The following KCNMA1 variants were observed in gnomAD, a reference collection of about 807,000 sequenced individuals.
KCNMA1 encodes Calcium-activated potassium channel subunit alpha-1.
Under a neutral mutation model 140.0 loss-of-function variants are expected in KCNMA1, and 29 were observed. The ratio of observed to expected loss-of-function variants is 0.21; its 90% CI spans 0.15 to 0.28. The LOEUF (loss-of-function observed/expected upper bound fraction) is 0.28. Ranked by LOEUF, KCNMA1 falls within the 10% of genes least tolerant of loss-of-function variation. The pLI, the probability that KCNMA1 is intolerant of heterozygous loss-of-function variation, is 1.00. For synonymous variants in KCNMA1, 612 were observed against 611.9 expected, an observed-to-expected ratio of 1.00 and a Z score of 0.00; for missense variants, 880 against 1,602.2, an observed-to-expected ratio of 0.55 and a Z score of 7.70.
chr10:76,949,680 G>A (rs2065514200), intron 21 of KCNMA1, among the ~76,000 whole-genome samples: 1 of 152,056 alleles, frequency 6.6e-6, no homozygotes, highest in African/African-American at 2.4e-5. Flanking sequence ...ATTTTCAGGA[G>A]GTAAAATAAA....
chr10:76,923,714 T>A (rs1160860130), intron 23 of KCNMA1, among the ~76,000 whole-genome samples: 1 of 152,240 alleles, frequency 6.6e-6, no homozygotes, highest in Non-Finnish European at 1.5e-5. Context: ...CCAGATGCAG[T>A]GGCTCATGCC....
At chr10:77,347,291 T>C (rs2092314003) in intron 2 of KCNMA1, among the ~76,000 whole-genome samples, 1 of 152,172 alleles carries the variant, frequency 6.6e-6, no homozygotes, top group African/African-American at 2.4e-5. Context: ...GCATAAGAAA[T>C]GGGTGTTACC....
chr10:77,236,213 G>A (rs556765449), intron 3 of KCNMA1, among the ~76,000 whole-genome samples: 3 of 152,266 alleles, frequency 2.0e-5, no homozygotes, highest in Non-Finnish European at 2.9e-5. Context: ...GAGGTAACAC[G>A]ATCCATGACT....
chr10:77,346,423 T>C (rs1364121674), intron 2 of KCNMA1, among the ~76,000 whole-genome samples: 1 of 152,190 alleles, frequency 6.6e-6, no homozygotes, highest in African/African-American at 2.4e-5. Context: ...ATCTTGCAGC[T>C]GGTACCTTGG....
rs1386621810 is a variant in KCNMA1, at chr10:77,375,232, C to T, written c.540+28630G>A. 3.3e-5 allele frequency among the ~76,000 whole-genome samples: 5 copies of T among 152,158 alleles called. No individual in the cohort carries two copies. The East Asian group carries it at 9.6e-4, about 29-fold the overall frequency. On this transcript the variant is annotated intron_variant, in intron 2 of 27. Transcript: ENST00000286628. ...GGGTAGGAGAGGGGACACTGCTGAACACCCACAATGGTCCTGCTCCTGTTG... is the reference window on the plus strand; with the variant it reads ...GGGTAGGAGAGGGGACACTGCTGAATACCCACAATGGTCCTGCTCCTGTTG...
chr10:77,349,835 A>G (rs1294506831), intron 2 of KCNMA1, among the ~76,000 whole-genome samples: 3 of 152,138 alleles, frequency 2.0e-5, no homozygotes, highest in African/African-American at 7.2e-5. Flanking sequence ...TTTGTTGTCC[A>G]TTTTTTTAAA....
chr10:77,039,759 G>A (rs535637579), intron 14 of KCNMA1, 122 bp from the exon 15 acceptor site: 9 of 711,278 alleles, frequency 1.3e-5, no homozygotes, highest in Non-Finnish European at 2.3e-5. Flanking sequence ...GACCTTTTCA[G>A]CAATCAGGAA....
intron 1 of KCNMA1, among the ~76,000 whole-genome samples, chr10:77,534,456 T>C (rs2058401511): frequency 6.6e-6 from 1 of 152,200 alleles, no homozygotes; most frequent in South Asian, 2.1e-4. Context: ...AACCAACTGG[T>C]GTCCTAGGAA....
At chr10:77,344,150 G>A (rs879350282) in intron 2 of KCNMA1, among the ~76,000 whole-genome samples, 1 of 152,204 alleles carries the variant, frequency 6.6e-6, no homozygotes, top group Non-Finnish European at 1.5e-5. Flanking sequence ...AAATTTACAG[G>A]AGCAACTGGA....
chr10:76,980,241 A>T (rs1186910423), intron 19 of KCNMA1: 1 of 152,174 alleles, frequency 6.6e-6, no homozygotes, highest in Non-Finnish European at 1.5e-5. Context: ...CTGACTTCTA[A>T]TTCAGATCAT....
intron 3 of KCNMA1, among the ~76,000 whole-genome samples, chr10:77,231,004 G>C (rs1205491287): frequency 3.9e-5 from 6 of 152,162 alleles, no homozygotes; most frequent in African/African-American, 9.7e-5. Flanking sequence ...ACTGTCTCTA[G>C]AGAAGGACCT....
chr10:77,089,109 C>T (rs1410755378), intron 10 of KCNMA1, among the ~76,000 whole-genome samples: 1 of 152,150 alleles, frequency 6.6e-6, no homozygotes, highest in Admixed American at 6.5e-5. Flanking sequence ...GGTACCTGCT[C>T]CTGTGCTAAC....
In KCNMA1 at chr10:77,350,124, C is replaced by T. The variant is rs117019935; in HGVS notation, c.540+53738G>A. ...ATGTTGGCCAGGCCAGTCACAAACT[C>T]CTCACCTCAGGTGATCCACCAGCCA... On this transcript the variant is annotated intron_variant, in intron 2 of 27. Coordinates refer to ENST00000286628, the MANE Select transcript of KCNMA1 (RefSeq NM_001161352.2). Among the ~76,000 whole-genome samples, 141 of 152,274 alleles carry T rather than the reference C, an allele frequency of 9.3e-4. 2 individuals carry two copies. In the East Asian group the frequency reaches 0.024, roughly 26 times the overall value.
chr10:77,485,238 G>A (rs139779438), intron 1 of KCNMA1, among the ~76,000 whole-genome samples: 51 of 152,276 alleles, frequency 3.3e-4, no homozygotes, highest in Non-Finnish European at 5.0e-4. Flanking sequence ...TATTACATAC[G>A]CAATAAAGTG....
At chr10:77,512,754 G>A (rs1187043816) in intron 1 of KCNMA1, among the ~76,000 whole-genome samples, 1 of 152,192 alleles carries the variant, frequency 6.6e-6, no homozygotes, top group Non-Finnish European at 1.5e-5. Flanking sequence ...GGAGAAGACA[G>A]CCACCTACAA....
intron 19 of KCNMA1, chr10:76,978,420 G>T (rs573982517): frequency 1.3e-5 from 2 of 152,118 alleles, no homozygotes; most frequent in African/African-American, 2.4e-5. Context: ...AATTATCCTT[G>T]ATTTTTCTTC....
At chr10:77,636,779 T>C in intron 1 of KCNMA1, 2 of 1,457,026 alleles carry the variant, frequency 1.4e-6, no homozygotes, top group Non-Finnish European at 1.8e-6. Flanking sequence ...TTTCCCTTCT[T>C]TCTGACCCCA....
intron 5 of KCNMA1, among the ~76,000 whole-genome samples, chr10:77,157,020 C>A (rs775847358): frequency 1.3e-5 from 2 of 152,222 alleles, no homozygotes; most frequent in South Asian, 4.1e-4. Flanking sequence ...GCCAGACTCA[C>A]ATTAATTAAA....
intron 2 of KCNMA1, among the ~76,000 whole-genome samples, chr10:77,280,735 C>CCTGG (rs2068247610): frequency 6.6e-6 from 1 of 150,896 alleles, no homozygotes; most frequent in African/African-American, 2.4e-5. Context: ...TACTATGTTG[C>CCTGG]CCAGGCTGGT....
Sources: gnomAD v4.1 joint callset for allele counts (sites outside exome capture counted in the v4.1 genomes callset) on GRCh38, gnomAD v4.1.1 for gene constraint, MANE v1.5 for transcripts, NCBI Gene and HGNC (gene_info 2026-07-23, HGNC 2026-07-21) for gene names.